The following RPRD2 variants were observed in gnomAD, a reference collection of about 807,000 sequenced individuals.
RPRD2 encodes the protein regulation of nuclear pre-mRNA domain containing 2.
A neutral mutation model predicts 104.4 loss-of-function variants in RPRD2; 12 were observed. The observed-to-expected ratio is 0.11, with a 90% CI of 0.07 to 0.19. RPRD2 has a LOEUF of 0.19. Among genes scored for constraint, RPRD2 ranks in the 10% least tolerant of loss-of-function variants. The pLI is 1.00. For missense variants in RPRD2, 1,543 were observed against 1,790.1 expected, an observed-to-expected ratio of 0.86 and a Z score of 2.49; for synonymous variants, 714 against 684.9, an observed-to-expected ratio of 1.04 and a Z score of -0.66.
intron 1 of RPRD2, 99 bp downstream of exon 1, chr1:150,365,018 T>A: frequency 7.9e-7 from 1 of 1,267,422 alleles, no homozygotes; most frequent in Non-Finnish European, 1.1e-6. Flanking sequence ...CAGCATTTGG[T>A]TGGGGTTGTT....
intron 1 of RPRD2, among the ~76,000 whole-genome samples, chr1:150,367,434 G>C (rs953187728): frequency 1.0e-5 from 1 of 99,408 alleles, no homozygotes; most frequent in African/African-American, 2.7e-5. Context: ...TGGTTTCTAA[G>C]TCAGCTTTAG....
At chr1:150,450,874 G>T (rs1435846856) in intron 7 of RPRD2, among the ~76,000 whole-genome samples, 1 of 151,962 alleles carries the variant, frequency 6.6e-6, no homozygotes, top group Non-Finnish European at 1.5e-5. Context: ...GCCTCTTAAG[G>T]TGCTGGGATT....
intron 1 of RPRD2, among the ~76,000 whole-genome samples, chr1:150,382,126 A>C (rs587643728): frequency 5.8e-4 from 88 of 152,312 alleles, no homozygotes; most frequent in African/African-American, 2.0e-3. Flanking sequence ...TGTCTGCATA[A>C]GCTTTTTAAA....
At chr1:150,365,817 C>T (rs781928135) in intron 1 of RPRD2, among the ~76,000 whole-genome samples, 3 of 152,066 alleles carry the variant, frequency 2.0e-5, no homozygotes, top group African/African-American at 4.8e-5. Flanking sequence ...TCTCGAACTC[C>T]CGACCTCAGG....
In RPRD2 at chr1:150,471,265, G is replaced by A. The variant is rs1668570678; in HGVS notation, c.2317G>A (p.Gly773Arg). Residue 773 changes from glycine to arginine, a missense_variant, in exon 11 of 11, where the codon GGG becomes AGG. Gly to Arg is a moderately radical substitution (Grantham distance 125). Transcript: ENST00000369068. This position sits in a 1 kb window ranked among gnomAD's most constrained non-coding sequence, Gnocchi z 5.3. ...TPSSTRSPPPGRDESYPRELS... is the reference protein window; with the variant it reads ...TPSSTRSPPPRRDESYPRELS... Reference sequence around the variant, plus strand: ...CAGCAGTACAAGATCACCACCCCCTGGGAGAGATGAAAGCTACCCCCGAGA... The same window carrying A: ...CAGCAGTACAAGATCACCACCCCCTAGGAGAGATGAAAGCTACCCCCGAGA... 2 of 1,612,868 alleles carry A rather than the reference G, an allele frequency of 1.2e-6. No individual in the cohort carries two copies. Among genetic ancestry groups the A allele is most frequent in the African/African-American group, 2.7e-5 (2 of 74,572 alleles).
chr1:150,389,018 T>C (rs1661857244), intron 1 of RPRD2, among the ~76,000 whole-genome samples: 1 of 151,988 alleles, frequency 6.6e-6, no homozygotes, highest in Admixed American at 6.6e-5. Flanking sequence ...CCTCTAGATT[T>C]TGACAGTTTT....
At chr1:150,434,562 T>C (rs1343267328) in intron 2 of RPRD2, among the ~76,000 whole-genome samples, 12 of 152,028 alleles carry the variant, frequency 7.9e-5, no homozygotes, top group African/African-American at 2.9e-4. Context: ...ACACCTGTAA[T>C]CCCAACACTT....
chr1:150,457,484 C>T lies in RPRD2; in HGVS notation c.1067C>T (p.Ser356Phe). 1 of 1,613,808 alleles carries T rather than the reference C, an allele frequency of 6.2e-7. No homozygotes were observed. The highest frequency in any genetic ancestry group is 8.5e-7 in the Non-Finnish European group (1 of 1,179,796). Reference protein sequence around the residue: ...SQSPTMESEKSATPEPVTDNR... With the variant: ...SQSPTMESEKFATPEPVTDNR... ...TCACCAACCATGGAGAGTGAGAAATCTGCCACACCTGAACCTGTGACAGAT... is the reference window on the plus strand; with the variant it reads ...TCACCAACCATGGAGAGTGAGAAATTTGCCACACCTGAACCTGTGACAGAT... Residue 356 changes from serine (S) to phenylalanine (F), a missense_variant, in exon 8 of 11, where the codon TCT (serine) becomes TTT (phenylalanine). This residue lies in a region of RPRD2 where 572 missense variants were observed against 787.3 expected (regional missense o/e 0.73). Transcript: ENST00000369068.
rs1225937345 is a variant in RPRD2 at position 150,476,411 on chromosome 1, C to CG, written c.*3082dup. On this transcript the variant is annotated 3_prime_UTR_variant, in exon 11 of 11. Transcript: ENST00000369068. The stretch of plus-strand genomic sequence containing the variant: ...TCCCCCACTATTTTTTTTAAGTGGG[C>CG]GGGGGCGCCTGTTAAGATCTAAAAT... 1 of 152,010 alleles carries CG rather than the reference C, an allele frequency of 6.6e-6. No homozygotes were observed. Among genetic ancestry groups the CG allele is most frequent in the Non-Finnish European group, 1.5e-5 (1 of 67,984 alleles). The allele number at this position is 152,010 out of a possible 1,614,324, so 9.4% of individuals were successfully genotyped here.
chr1:150,469,212 CAAT>C (rs1332560811), intron 10 of RPRD2, among the ~76,000 whole-genome samples: 4 of 152,062 alleles, frequency 2.6e-5, no homozygotes, highest in Non-Finnish European at 4.4e-5. Context: ...TACTAAGGAA[CAAT>C]GTTAGTGTAT....
chr1:150,459,965 C>A, intron 8 of RPRD2, 95 bp from the exon 9 acceptor site: 3 of 1,173,920 alleles, frequency 2.6e-6, no homozygotes, highest in Non-Finnish European at 2.4e-6. Context: ...GTGCCTTTTC[C>A]CCCAAGTCCG....
rs115045179 is a variant in RPRD2 at position 150,472,210 on chromosome 1, T to C, written c.3262T>C (p.Leu1088=). Residue 1088 remains leucine (L), a synonymous_variant, in exon 11 of 11, where the codon TTG becomes CTG. Transcript: ENST00000369068. ...TEEKGAPIET[L]GYHSASNRRM... is the part of the protein sequence containing the mutation. ...AGAAAAGGGGGCCCCTATAGAAACC[T>C]TGGGTTATCACAGTGCATCCAATAG... is the stretch of plus-strand genomic sequence containing the variant. 4 of 1,613,802 alleles carry C rather than the reference T, an allele frequency of 2.5e-6. No homozygotes were observed. Among genetic ancestry groups the C allele is most frequent in the African/African-American group, 2.7e-5 (2 of 74,982 alleles).
At chr1:150,450,624 A>C (rs1667099285) in intron 7 of RPRD2, among the ~76,000 whole-genome samples, 1 of 149,630 alleles carries the variant, frequency 6.7e-6, no homozygotes, top group Non-Finnish European at 1.5e-5. Flanking sequence ...AAAAAAAAAA[A>C]AAAGTTATTT....
At chr1:150,422,153 C>T (rs782471502) in intron 2 of RPRD2, among the ~76,000 whole-genome samples, 6 of 137,122 alleles carry the variant, frequency 4.4e-5, no homozygotes, top group African/African-American at 1.6e-4. Context: ...AGTGAAACCC[C>T]GTCTCTACTA....
chr1:150,379,638 G>C (rs2102124514), intron 1 of RPRD2, among the ~76,000 whole-genome samples: 1 of 152,302 alleles, frequency 6.6e-6, no homozygotes, highest in South Asian at 2.1e-4. Context: ...CCAACCTCAG[G>C]TGATCTGCCC....
intron 1 of RPRD2, among the ~76,000 whole-genome samples, chr1:150,378,246 G>A (rs1660867431): frequency 6.6e-6 from 1 of 152,082 alleles, no homozygotes; most frequent in Non-Finnish European, 1.5e-5. Flanking sequence ...TTATTACTGA[G>A]TAAATCTATT....
intron 1 of RPRD2, among the ~76,000 whole-genome samples, chr1:150,394,816 A>G (rs1361536582): frequency 2.0e-5 from 3 of 151,980 alleles, no homozygotes; most frequent in African/African-American, 7.2e-5. Context: ...TCCAGAGCTC[A>G]AGCAATCTGT....
intron 1 of RPRD2, among the ~76,000 whole-genome samples, chr1:150,400,980 T>C (rs1662948935): frequency 6.6e-6 from 1 of 151,158 alleles, no homozygotes; most frequent in Non-Finnish European, 1.5e-5. Flanking sequence ...ATCGAGACCA[T>C]CCTGGCTAAC....
chr1:150,431,473 A>ATATGTTTTTTTT (rs1665568391), intron 2 of RPRD2, among the ~76,000 whole-genome samples: 1 of 78,850 alleles, frequency 1.3e-5, no homozygotes, highest in Non-Finnish European at 2.4e-5. Flanking sequence ...AAAAGGAAGG[A>ATATGTTTTTTTT]TTTTTTTTTT....
Sources: allele counts gnomAD v4.1 joint callset (sites outside exome capture counted in the v4.1 genomes callset), GRCh38; gene constraint gnomAD v4.1.1; regional missense constraint gnomAD v4.1.1; non-coding constraint Gnocchi (gnomAD v3.1); transcripts MANE v1.5; gene names NCBI Gene and HGNC (gene_info 2026-07-23, HGNC 2026-07-21).